ARL6: variants seen among roughly 807,000 people sequenced by gnomAD.
The protein encoded by ARL6 is ARF like GTPase 6.
ARL6 carries 18 observed loss-of-function variants against 27.1 expected under a neutral mutation model. The ratio of observed to expected loss-of-function variants is 0.66; its 90% CI spans 0.46 to 0.98. The LOEUF (loss-of-function observed/expected upper bound fraction) is 0.98. Among genes scored for constraint, ARL6 ranks in the 50% least tolerant of loss-of-function variants. ARL6 has a pLI of 0.00. For synonymous variants in ARL6, 65 were observed against 72.3 expected, an observed-to-expected ratio of 0.90 and a Z score of 0.51; for missense variants, 187 against 214.9, an observed-to-expected ratio of 0.87 and a Z score of 0.81.
At chr3:97,782,606 C>A (rs763717120) in intron 4 of ARL6, among the ~76,000 whole-genome samples, 3 of 151,702 alleles carry the variant, frequency 2.0e-5, no homozygotes, top group Non-Finnish European at 4.4e-5. Flanking sequence ...AATGTAATAT[C>A]TTTTTCAGGG....
chr3:97,788,717 A>G (rs1040341556), intron 6 of ARL6, among the ~76,000 whole-genome samples: 8 of 152,184 alleles, frequency 5.3e-5, no homozygotes, highest in African/African-American at 1.9e-4. Flanking sequence ...AGACATCCTA[A>G]TAAGGTTGAA....
At chr3:97,775,171 T>G (rs1425000510) in intron 2 of ARL6, among the ~76,000 whole-genome samples, 1 of 152,176 alleles carries the variant, frequency 6.6e-6, no homozygotes, top group Non-Finnish European at 1.5e-5. Flanking sequence ...TCCTTAATAT[T>G]CTGTTCCTCT....
At chr3:97,783,123 G>C (rs367785468) in intron 4 of ARL6, among the ~76,000 whole-genome samples, 2 of 150,934 alleles carry the variant, frequency 1.3e-5, no homozygotes, top group South Asian at 2.1e-4. Context: ...AAAAATATAA[G>C]GAGTACACAT....
chr3:97,784,937 T>C lies in ARL6; in HGVS notation c.255-18T>C. The C allele has an allele frequency of 6.3e-7, 1 of 1,585,350 alleles. No homozygotes were observed. Among genetic ancestry groups the C allele is most frequent in the African/African-American group, 1.3e-5 (1 of 74,352 alleles). ...TATAAGTAAAGCTTTAATTTTTCTT[T>C]TTCTTTACATTACACAGAGAAGGCC... On this transcript the variant is annotated intron_variant, in intron 4 of 7. Coordinates refer to ENST00000463745, the MANE Select transcript of ARL6 (RefSeq NM_001278293.3).
rs774422821 is a variant in ARL6 at position 97,780,664 on chromosome 3, C to A, written c.235C>A (p.Leu79Ile). Reference sequence around the variant, plus strand: ...GTCAGGTCAAGGAAGATACAGAAATCTCTGGGAACACTATTATAAGTAAGT... The same window carrying A: ...GTCAGGTCAAGGAAGATACAGAAATATCTGGGAACACTATTATAAGTAAGT... ...DMSGQGRYRN[L>I]WEHYYKEGQA... is the part of the protein sequence containing the mutation. Residue 79 changes from leucine to isoleucine, a missense_variant, in exon 4 of 8, where the codon CTC (leucine) becomes ATC (isoleucine). By Grantham distance (5) the Leu-to-Ile change is conservative (BLOSUM62 2). Transcript: ENST00000463745. The A allele has an allele frequency of 5.6e-6, 9 of 1,612,440 alleles. No individual in the cohort carries two copies. Among genetic ancestry groups the A allele is most frequent in the Non-Finnish European group, 7.6e-6 (9 of 1,178,816 alleles).
At chr3:97,788,961 G>C (rs770492481) in intron 6 of ARL6, among the ~76,000 whole-genome samples, 3 of 152,090 alleles carry the variant, frequency 2.0e-5, no homozygotes, top group Admixed American at 1.3e-4. Flanking sequence ...CTTTTTATAA[G>C]AAGGTATCTG....
intron 6 of ARL6, among the ~76,000 whole-genome samples, chr3:97,788,994 CAG>C (rs2037594999): frequency 1.3e-5 from 2 of 152,082 alleles, no homozygotes; most frequent in African/African-American, 2.4e-5. Context: ...GAAACAGAAG[CAG>C]AGAGATCCAC....
chr3:97,766,500 AG>A (rs1336515792), intron 1 of ARL6: 1 of 152,264 alleles, frequency 6.6e-6, no homozygotes, highest in African/African-American at 2.4e-5. Context: ...GTTCTGTAAT[AG>A]GCCTCACCTT....
intron 2 of ARL6, among the ~76,000 whole-genome samples, chr3:97,775,812 TC>T (rs1198590405): frequency 1.8e-4 from 27 of 152,384 alleles, no homozygotes; most frequent in Non-Finnish European, 4.0e-4. Flanking sequence ...TGATATGATT[TC>T]TACCTTTTAA....
intron 2 of ARL6, among the ~76,000 whole-genome samples, chr3:97,771,892 A>T (rs1351214068): frequency 6.6e-6 from 1 of 152,102 alleles, no homozygotes; most frequent in Non-Finnish European, 1.5e-5. Context: ...CCTACTGATC[A>T]TGGTGAATGA....
At chr3:97,785,877 T>G (rs2037434599) in intron 5 of ARL6, among the ~76,000 whole-genome samples, 1 of 152,190 alleles carries the variant, frequency 6.6e-6, no homozygotes, top group African/African-American at 2.4e-5. Context: ...GATGGTGGTT[T>G]AAGAGAACTG....
rs1364383470 is a variant in ARL6 at position 97,798,874 on chromosome 3, TCAGTAATCA to T, written c.*826_*834del. 6.6e-6 allele frequency: 1 copy of T among 152,122 alleles called. No individual in the cohort carries two copies. The highest frequency in any genetic ancestry group is 1.5e-5 in the Non-Finnish European group (1 of 67,950). 9.4% of individuals were successfully genotyped at this position (152,122 alleles called of 1,614,324 possible). A position where few individuals can be genotyped will look rare whatever the true frequency, so the allele number is the denominator to read the frequency against. The stretch of plus-strand genomic sequence containing the variant: ...ATAAAGTAAATTAATATTTGACTGT[TCAGTAATCA>T]TTACTGACATCTTGTTTTTCACTTT... On this transcript the variant is annotated 3_prime_UTR_variant, in exon 8 of 8. Transcript: ENST00000463745.
At chr3:97,786,636 A>C (rs2037471325) in intron 5 of ARL6, among the ~76,000 whole-genome samples, 2 of 152,180 alleles carry the variant, frequency 1.3e-5, no homozygotes, top group Admixed American at 6.5e-5. Flanking sequence ...GGCCATAAAA[A>C]ATCTTTGAAT....
In ARL6 at chr3:97,780,696, G is replaced by A. The variant is rs2037150339; in HGVS notation, c.254+13G>A. 1 of 1,586,908 alleles carries A rather than the reference G, an allele frequency of 6.3e-7. No homozygotes were observed. Among genetic ancestry groups the A allele is most frequent in the Non-Finnish European group, 8.7e-7 (1 of 1,155,612 alleles). On this transcript the variant is annotated intron_variant, in intron 4 of 7. Coordinates refer to ENST00000463745, the MANE Select transcript of ARL6 (RefSeq NM_001278293.3). ...AACACTATTATAAGTAAGTACATCT[G>A]TGAATGTTGCTTAACTAGATGGTTT...
intron 2 of ARL6, among the ~76,000 whole-genome samples, chr3:97,769,959 TATCTTGGCTATTG>T (rs1350607361): frequency 6.6e-6 from 1 of 152,142 alleles, no homozygotes; most frequent in East Asian, 1.9e-4. Context: ...GTGTATTCCA[TATCTTGGCTATTG>T]TGAATAGTGG....
intron 2 of ARL6, among the ~76,000 whole-genome samples, chr3:97,778,165 G>GA (rs2037002277): frequency 1.3e-5 from 2 of 152,042 alleles, no homozygotes; most frequent in African/African-American, 4.8e-5. Flanking sequence ...GAAGTTGGGG[G>GA]AACATTAAAA....
intron 4 of ARL6, among the ~76,000 whole-genome samples, chr3:97,784,366 C>A (rs1027172213): frequency 1.3e-5 from 2 of 151,534 alleles, no homozygotes; most frequent in South Asian, 2.1e-4. Flanking sequence ...AAGACTTTCA[C>A]TTAAAATACA....
chr3:97,796,345 G>A (rs1283203648), intron 7 of ARL6, among the ~76,000 whole-genome samples: 1 of 151,970 alleles, frequency 6.6e-6, no homozygotes, highest in Non-Finnish European at 1.5e-5. Flanking sequence ...GAAAAAAAAT[G>A]AGTTCTTGGA....
At chr3:97,766,253 C>G (rs1015743050) in intron 1 of ARL6, among the ~76,000 whole-genome samples, 1 of 152,140 alleles carries the variant, frequency 6.6e-6, no homozygotes, top group African/African-American at 2.4e-5. Context: ...TATGTTTATG[C>G]AGTAAATAAA....
Sources: gnomAD v4.1 joint callset for allele counts (sites outside exome capture counted in the v4.1 genomes callset) on GRCh38, gnomAD v4.1.1 for gene constraint, MANE v1.5 for transcripts, NCBI Gene and HGNC (gene_info 2026-07-23, HGNC 2026-07-21) for gene names.